The following CLYBL variants were observed in gnomAD, a reference collection of about 807,000 sequenced individuals.
CLYBL encodes citramalyl-CoA lyase, also known as citramalyl-CoA lyase, mitochondrial.
CLYBL carries 31 observed loss-of-function variants against 38.9 expected under a neutral mutation model. The observed-to-expected ratio is 0.80, with a 90% CI of 0.60 to 1.08. The LOEUF (loss-of-function observed/expected upper bound fraction) is 1.08, where lower values mean the gene tolerates loss of function less well. CLYBL is among the 50% of genes least tolerant of loss of function. The pLI is 0.00. For missense variants in CLYBL, 434 were observed against 411.6 expected (o/e 1.05, Z -0.47); for synonymous variants, 171 against 158.6 (o/e 1.08, Z -0.59).
chr13:99,878,406 C>T (rs1252797154), intron 7 of CLYBL, among the ~76,000 whole-genome samples: 1 of 152,184 alleles, frequency 6.6e-6, no homozygotes, highest in African/African-American at 2.4e-5. Context: ...TTGCTTTTCT[C>T]ATAGGCAATA....
chr13:99,824,134 G>C (rs533564919), intron 2 of CLYBL, among the ~76,000 whole-genome samples: 1 of 152,170 alleles, frequency 6.6e-6, no homozygotes, highest in Non-Finnish European at 1.5e-5. Context: ...GTAGAAAAAC[G>C]TCAGGTTGCT....
chr13:99,818,349 C>T (rs974701364), intron 2 of CLYBL, among the ~76,000 whole-genome samples: 2 of 152,034 alleles, frequency 1.3e-5, no homozygotes, highest in Non-Finnish European at 1.5e-5. Context: ...TCTCCGTCCT[C>T]GGGTTGATTG....
At chr13:99,860,767 C>T (rs551569758) in intron 3 of CLYBL, among the ~76,000 whole-genome samples, 2 of 152,330 alleles carry the variant, frequency 1.3e-5, no homozygotes, top group East Asian at 1.9e-4. Flanking sequence ...TTTTCCTCTC[C>T]GTTTGTATTT....
chr13:99,808,912 T>C (rs1448491912), intron 2 of CLYBL, among the ~76,000 whole-genome samples: 3 of 152,238 alleles, frequency 2.0e-5, no homozygotes, highest in Non-Finnish European at 2.9e-5. Context: ...GCTGACTTAT[T>C]TGTGGGTTTC....
intron 2 of CLYBL, among the ~76,000 whole-genome samples, chr13:99,822,011 C>G (rs1007577062): frequency 6.6e-6 from 1 of 152,190 alleles, no homozygotes; most frequent in African/African-American, 2.4e-5. Context: ...ATCCCAGACT[C>G]TCCTACTGGA....
rs533312066 is a variant in CLYBL at position 99,809,025 on chromosome 13, A to T, written c.249+36015A>T. On this transcript the variant is annotated intron_variant, in intron 2 of 8. Coordinates refer to ENST00000339105, the MANE Select transcript of CLYBL (RefSeq NM_206808.5). ...AAGACACTTGTCAGATGGCTGGGGG[A>T]GGTGGGGTGGGGGAAAAGAAATTCT... 1.4e-4 allele frequency among the ~76,000 whole-genome samples: 21 copies of T among 151,654 alleles called. 1 individual carries two copies. In the South Asian group the frequency reaches 4.4e-3, roughly 32 times the overall value.
intron 1 of CLYBL, among the ~76,000 whole-genome samples, chr13:99,679,110 C>T (rs569772469): frequency 2.0e-5 from 3 of 151,986 alleles, no homozygotes; most frequent in Non-Finnish European, 2.9e-5. Flanking sequence ...CTGGCTAACA[C>T]GGTGAAACCC....
At chr13:99,890,152 C>T (rs143668141) in intron 7 of CLYBL, among the ~76,000 whole-genome samples, 17 of 152,280 alleles carry the variant, frequency 1.1e-4, no homozygotes, top group African/African-American at 4.1e-4. Context: ...AAGAAGCTAC[C>T]TTGTCTTCTT....
intron 1 of CLYBL, among the ~76,000 whole-genome samples, chr13:99,715,883 A>G (rs373878664): frequency 1.1e-4 from 16 of 152,230 alleles, no homozygotes; most frequent in African/African-American, 3.9e-4. Flanking sequence ...AACATCTCTT[A>G]TAAGGGATTG....
At chr13:99,703,615 A>G (rs1441175414) in intron 1 of CLYBL, among the ~76,000 whole-genome samples, 1 of 152,152 alleles carries the variant, frequency 6.6e-6, no homozygotes, top group Non-Finnish European at 1.5e-5. Context: ...TGATCCGCCC[A>G]CCTTGGCCTC....
At chr13:99,644,884 G>A in intron 1 of CLYBL, among the ~76,000 whole-genome samples, 1 of 152,176 alleles carries the variant, frequency 6.6e-6, no homozygotes, top group East Asian at 1.9e-4. Context: ...ACTTCATTGT[G>A]TATATGTACC....
At chr13:99,667,613 T>C (rs1282269129) in intron 1 of CLYBL, among the ~76,000 whole-genome samples, 1 of 152,134 alleles carries the variant, frequency 6.6e-6, no homozygotes, top group African/African-American at 2.4e-5. Context: ...AATTGAACAT[T>C]TTAAGGGAAG....
At chr13:99,632,604 G>T (rs2046961126) in intron 1 of CLYBL, among the ~76,000 whole-genome samples, 1 of 152,124 alleles carries the variant, frequency 6.6e-6, no homozygotes, top group African/African-American at 2.4e-5. Context: ...AATTAGCCAG[G>T]TGTGCTGGTG....
intron 1 of CLYBL, among the ~76,000 whole-genome samples, chr13:99,647,647 C>G (rs2047196695): frequency 1.3e-5 from 2 of 152,192 alleles, no homozygotes; most frequent in South Asian, 4.1e-4. Context: ...AATTTTTCCA[C>G]TCGAGTGTTT....
intron 2 of CLYBL, among the ~76,000 whole-genome samples, chr13:99,821,076 G>A (rs1041229257): frequency 6.6e-6 from 1 of 152,186 alleles, no homozygotes; most frequent in African/African-American, 2.4e-5. Flanking sequence ...TACTTTATGT[G>A]ATGTAGAAAC....
chr13:99,654,472 ATCT>A (rs998242876), intron 1 of CLYBL, among the ~76,000 whole-genome samples: 2 of 152,146 alleles, frequency 1.3e-5, no homozygotes, highest in Non-Finnish European at 2.9e-5. Flanking sequence ...TCCAACCCAA[ATCT>A]TCTTCTCCCA....
chr13:99,637,793 G>A (rs574080007), intron 1 of CLYBL, among the ~76,000 whole-genome samples: 13 of 152,166 alleles, frequency 8.5e-5, no homozygotes, highest in Non-Finnish European at 1.6e-4. Context: ...TTCCTACAAA[G>A]TGTGAATATA....
At chr13:99,862,676 G>C (rs1265953588) in intron 3 of CLYBL, among the ~76,000 whole-genome samples, 1 of 152,170 alleles carries the variant, frequency 6.6e-6, no homozygotes, top group Non-Finnish European at 1.5e-5. Context: ...GCGAGGGCAA[G>C]AGGTCTTAAG....
intron 1 of CLYBL, among the ~76,000 whole-genome samples, chr13:99,739,702 G>A (rs937175499): frequency 5.3e-5 from 8 of 152,356 alleles, no homozygotes; most frequent in African/African-American, 1.9e-4. Flanking sequence ...GGCCGGGCAT[G>A]GTGGCTCACG....
Sources: allele counts gnomAD v4.1 joint callset (sites outside exome capture counted in the v4.1 genomes callset), GRCh38; gene constraint gnomAD v4.1.1; transcripts MANE v1.5; gene names NCBI Gene and HGNC (gene_info 2026-07-23, HGNC 2026-07-21).